The following ESRRG variants were observed in gnomAD, a reference collection of about 807,000 sequenced individuals.
ESRRG encodes estrogen-related receptor gamma.
ESRRG carries 13 observed loss-of-function variants against 44.0 expected under a neutral mutation model. The observed-to-expected ratio is 0.30, with a 90% CI of 0.19 to 0.47. ESRRG has a LOEUF of 0.47. ESRRG is among the 20% of genes least tolerant of loss of function. The pLI is 1.00. For synonymous variants in ESRRG, 215 were observed against 214.6 expected, an observed-to-expected ratio of 1.00 and a Z score of -0.02; for missense variants, 395 against 580.6, an observed-to-expected ratio of 0.68 and a Z score of 3.29.
chr1:216,817,484 T>G (rs1271069690), intron 2 of ESRRG, among the ~76,000 whole-genome samples: 3 of 152,168 alleles, frequency 2.0e-5, no homozygotes, highest in Non-Finnish European at 4.4e-5. Context: ...CTTACATAAA[T>G]AGGCTTAGAT....
intron 1 of ESRRG, among the ~76,000 whole-genome samples, chr1:217,044,267 G>C (rs2084438338): frequency 6.6e-6 from 1 of 152,058 alleles, no homozygotes; most frequent in Non-Finnish European, 1.5e-5. Flanking sequence ...TCTGTGACTA[G>C]CCACTGCACA....
chr1:216,840,845 T>C (rs1299262597), intron 2 of ESRRG, among the ~76,000 whole-genome samples: 2 of 152,186 alleles, frequency 1.3e-5, no homozygotes, highest in Non-Finnish European at 2.9e-5. Context: ...GTATGGTTTG[T>C]GGTCCCCAAA....
At chr1:217,055,871 C>T (rs1352236807) in intron 1 of ESRRG, among the ~76,000 whole-genome samples, 1 of 152,134 alleles carries the variant, frequency 6.6e-6, no homozygotes, top group Non-Finnish European at 1.5e-5. Context: ...GGCTGCAATG[C>T]CCTCTCTTTT....
At chr1:217,005,039 G>T (rs2077542162) in intron 1 of ESRRG, among the ~76,000 whole-genome samples, 1 of 152,128 alleles carries the variant, frequency 6.6e-6, no homozygotes, top group Non-Finnish European at 1.5e-5. Flanking sequence ...ATCAGAATTT[G>T]TGATTTGCAC....
At chr1:216,573,925 T>C (rs1172405458) in intron 3 of ESRRG, among the ~76,000 whole-genome samples, 1 of 151,964 alleles carries the variant, frequency 6.6e-6, no homozygotes, top group Non-Finnish European at 1.5e-5. Flanking sequence ...ACCTGGGAAA[T>C]CCAGATTTGT....
chr1:217,073,197 C>CAAAAAAAA (rs34950214), intron 1 of ESRRG, among the ~76,000 whole-genome samples: 20 of 75,980 alleles, frequency 2.6e-4, no homozygotes, highest in African/African-American at 3.6e-4. Flanking sequence ...CCTTTCTGGA[C>CAAAAAAAA]AAAAAAAAAA....
chr1:216,758,026 G>A (rs1219527027), intron 2 of ESRRG, among the ~76,000 whole-genome samples: 1 of 151,986 alleles, frequency 6.6e-6, no homozygotes, highest in African/African-American at 2.4e-5. Flanking sequence ...AATCCTCCTT[G>A]GAAAACTTGT....
rs1217542551 is a variant in ESRRG, at chr1:216,774,153, C to A, written c.-13-96662G>T. On this transcript the variant is annotated intron_variant, in intron 2 of 7. Transcript: ENST00000359162. The stretch of plus-strand genomic sequence containing the variant: ...ACTTCTTGATATCAAGACCACTGCA[C>A]TAGCCTCAGTGCTTCCTTAGAGAGC... 2.0e-5 allele frequency among the ~76,000 whole-genome samples: 3 copies of A among 152,104 alleles called. No homozygotes were observed. In the East Asian group the frequency reaches 5.8e-4, roughly 29 times the overall value.
At chr1:216,983,031 G>GT (rs9308379) in intron 1 of ESRRG, among the ~76,000 whole-genome samples, 1,826 of 132,976 alleles carry the variant, frequency 0.014, 23 homozygotes, top group South Asian at 0.017. Context: ...ACTTTGAACT[G>GT]TTTTTTTTTT....
At chr1:216,628,732 A>ATAT (rs2063603109) in intron 3 of ESRRG, among the ~76,000 whole-genome samples, 1 of 152,136 alleles carries the variant, frequency 6.6e-6, no homozygotes, top group African/African-American at 2.4e-5. Context: ...CATAAATCTA[A>ATAT]TATGATCCCA....
intron 1 of ESRRG, among the ~76,000 whole-genome samples, chr1:216,711,872 A>G (rs951256010): frequency 1.3e-5 from 2 of 152,198 alleles, no homozygotes; most frequent in African/African-American, 2.4e-5. Context: ...TAGAGAAATA[A>G]ATTCAATTAT....
chr1:217,009,835 A>G, intron 1 of ESRRG, among the ~76,000 whole-genome samples: 1 of 149,786 alleles, frequency 6.7e-6, no homozygotes, highest in African/African-American at 2.5e-5. Context: ...CCTCCCAAGT[A>G]GCTGAGATTA....
At position 216,866,913 on chromosome 1, in the gene ESRRG, TAGAC is replaced by T. The variant is rs2096175031; in HGVS notation, c.-14+72665_-14+72668del. ...TCTCTCTTCTTTATTTTCTGCTACA[TAGAC>T]AGTTTTTAACTTTAAATATTTTACA... is the stretch of plus-strand genomic sequence containing the variant. On this transcript the variant is annotated intron_variant, in intron 2 of 7. Coordinates refer to the ESRRG transcript ENST00000359162. Among the ~76,000 whole-genome samples, 3 of 152,184 alleles carry T rather than the reference TAGAC, an allele frequency of 2.0e-5. No individual in the cohort carries two copies. In the South Asian group the frequency reaches 6.2e-4, roughly 31 times the overall value.
chr1:216,802,669 G>A (rs542569548), intron 2 of ESRRG, among the ~76,000 whole-genome samples: 4 of 152,208 alleles, frequency 2.6e-5, no homozygotes, highest in African/African-American at 9.6e-5. Context: ...AATTCTGATT[G>A]TATTAGACAG....
chr1:217,124,014 C>A lies in ESRRG; in HGVS notation c.-230+13653G>T, dbSNP rs576131780. ...TAATTCTTCATGAGCAGATGAAACA[C>A]CTTTGAGCCACTATCACACCACATA... On this transcript the variant is annotated intron_variant, in intron 1 of 8. Coordinates refer to the ESRRG transcript ENST00000366940. Among the ~76,000 whole-genome samples, 3 of 152,286 alleles carry A rather than the reference C, an allele frequency of 2.0e-5. No individual in the cohort carries two copies. The South Asian group carries it at 6.2e-4, about 32-fold the overall frequency.
intron 2 of ESRRG, among the ~76,000 whole-genome samples, chr1:216,770,215 T>G (rs1262100766): frequency 1.3e-5 from 2 of 152,086 alleles, no homozygotes; most frequent in African/African-American, 4.8e-5. Context: ...GCACATCACT[T>G]AGGAAATCTG....
chr1:217,091,700 A>G (rs1344587559), upstream of ESRRG, among the ~76,000 whole-genome samples: 1 of 152,298 alleles, frequency 6.6e-6, no homozygotes, highest in African/African-American at 2.4e-5. Flanking sequence ...GAATTGGTGC[A>G]GTCTTGTCGG....
chr1:216,930,864 G>A (rs1359232607), intron 2 of ESRRG, among the ~76,000 whole-genome samples: 1 of 152,174 alleles, frequency 6.6e-6, no homozygotes, highest in African/African-American at 2.4e-5. Flanking sequence ...CTGCAAATGG[G>A]AAGCATTGCC....
At chr1:216,623,842 T>G (rs985041118) in intron 3 of ESRRG, among the ~76,000 whole-genome samples, 1 of 151,776 alleles carries the variant, frequency 6.6e-6, no homozygotes. Context: ...CATAGCAAAA[T>G]GCCCAGAAAC....
Sources: gnomAD v4.1 joint callset for allele counts (sites outside exome capture counted in the v4.1 genomes callset) on GRCh38, gnomAD v4.1.1 for gene constraint, MANE v1.5 for transcripts, NCBI Gene and HGNC (gene_info 2026-07-23, HGNC 2026-07-21) for gene names.